SAMD7: variants seen among roughly 807,000 people sequenced by gnomAD.
The protein encoded by SAMD7 is sterile alpha motif domain-containing protein 7.
SAMD7 carries 34 observed loss-of-function variants against 36.7 expected under a neutral mutation model. The observed-to-expected ratio is 0.93, with a 90% CI of 0.71 to 1.23. The LOEUF is 1.23. SAMD7 is among the 50% of genes most tolerant of loss of function. The pLI, the probability that SAMD7 is intolerant of heterozygous loss-of-function variation, is 0.00. For missense variants in SAMD7, 570 were observed against 546.6 expected (o/e 1.04, Z -0.43); for synonymous variants, 188 against 189.7 (o/e 0.99, Z 0.07).
chr3:169,931,318 G>A (rs1713485790), intron 7 of SAMD7, among the ~76,000 whole-genome samples: 1 of 152,152 alleles, frequency 6.6e-6, no homozygotes, highest in South Asian at 2.1e-4. Flanking sequence ...TGAGCGACAG[G>A]GACATGTATG....
At chr3:169,918,307 T>C (rs1712902527) in intron 2 of SAMD7, among the ~76,000 whole-genome samples, 1 of 152,212 alleles carries the variant, frequency 6.6e-6, no homozygotes, top group Non-Finnish European at 1.5e-5. Flanking sequence ...TGCTATCAAA[T>C]ACTAGATCTT....
At chr3:169,921,634 A>G (rs1299203574) in intron 4 of SAMD7, among the ~76,000 whole-genome samples, 1 of 152,228 alleles carries the variant, frequency 6.6e-6, no homozygotes, top group East Asian at 1.9e-4. Context: ...AGGAGATTAG[A>G]TCTGAGAATT....
At chr3:169,921,094 A>G (rs777090446) in intron 3 of SAMD7, 120 bp from the exon 4 acceptor site, 144 of 892,712 alleles carry the variant, frequency 1.6e-4, no homozygotes, top group Non-Finnish European at 2.3e-4. Flanking sequence ...TTTGTATTTC[A>G]TCTTGAGAAG....
chr3:169,927,403 T>C (rs1576833921), intron 6 of SAMD7, among the ~76,000 whole-genome samples: 1 of 144,588 alleles, frequency 6.9e-6, no homozygotes, highest in Admixed American at 7.1e-5. Flanking sequence ...CACGCCATTC[T>C]CCTGCCTCAG....
At chr3:169,915,085 T>C (rs996800952) in intron 1 of SAMD7, among the ~76,000 whole-genome samples, 6 of 152,186 alleles carry the variant, frequency 3.9e-5, no homozygotes, top group Non-Finnish European at 8.8e-5. Context: ...AGCTCAAGCA[T>C]AATCCATATG....
chr3:169,932,973 G>A (rs1170310364), intron 7 of SAMD7: 1 of 705,190 alleles, frequency 1.4e-6, no homozygotes, highest in Non-Finnish European at 2.7e-6. Context: ...GATGAAAGAA[G>A]CATTCTTTCC....
intron 7 of SAMD7, among the ~76,000 whole-genome samples, chr3:169,934,075 G>A (rs1713620975): frequency 6.6e-6 from 1 of 152,168 alleles, no homozygotes; most frequent in African/African-American, 2.4e-5. Context: ...GGAGAGGTGG[G>A]GAGAGCAAGA....
rs150628946 is a variant in SAMD7, at chr3:169,922,097, C to A, written c.211+759C>A. On this transcript the variant is annotated intron_variant, in intron 4 of 8. Transcript: ENST00000335556. ...GACTGTGGAAGGAACAGAGTTCTTG[C>A]GGAGGGAGAGAATCAGAGGCTCAGC... is the stretch of plus-strand genomic sequence containing the variant. 4.7e-3 allele frequency among the ~76,000 whole-genome samples: 708 copies of A among 152,142 alleles called. 7 individuals are homozygous for A. The highest frequency in any genetic ancestry group is 0.016 in the African/African-American group (655 of 41,506).
chr3:169,937,791 G>A (rs1012216062), intron 8 of SAMD7, among the ~76,000 whole-genome samples: 2 of 152,156 alleles, frequency 1.3e-5, no homozygotes, highest in African/African-American at 4.8e-5. Flanking sequence ...GGATTGCTGG[G>A]TCAAATGGTA....
chr3:169,936,496 TA>T (rs772697147), intron 8 of SAMD7, 47 bp downstream of exon 8: 2 of 959,822 alleles, frequency 2.1e-6, no homozygotes, highest in Non-Finnish European at 3.3e-6. Context: ...GCACAAAGCT[TA>T]ATACAAATAT....
chr3:169,932,220 G>T, intron 7 of SAMD7: 1 of 831,094 alleles, frequency 1.2e-6, no homozygotes, highest in Non-Finnish European at 2.0e-6. Context: ...CCCAGTGGGT[G>T]GTTCCCCAGG....
chr3:169,921,728 A>G (rs1713052499), intron 4 of SAMD7, among the ~76,000 whole-genome samples: 2 of 152,206 alleles, frequency 1.3e-5, no homozygotes, highest in African/African-American at 2.4e-5. Flanking sequence ...GAAGCCATCA[A>G]GGGGTTTGAG....
rs1311845782 is a variant in SAMD7 at position 169,926,632 on chromosome 3, A to T, written c.370A>T (p.Ile124Leu). Reference protein sequence around the residue: ...INPKGLAGLGIPFLYGSSVPA... With the variant: ...INPKGLAGLGLPFLYGSSVPA... Reference sequence around the variant, plus strand: ...TCCCAAGGGACTAGCAGGCCTAGGGATACCCTTCCTCTATGGCTCCAGTGT... The same window carrying T: ...TCCCAAGGGACTAGCAGGCCTAGGGTTACCCTTCCTCTATGGCTCCAGTGT... The change falls in exon 6 of 9, where the codon ATA (isoleucine) becomes TTA (leucine). Residue 124 changes from isoleucine (I) to leucine (L), a missense_variant. Ile to Leu is a conservative substitution (Grantham distance 5). Transcript: ENST00000335556. 1 of 1,613,966 alleles carries T rather than the reference A, an allele frequency of 6.2e-7. No individual in the cohort carries two copies. The highest frequency in any genetic ancestry group is 1.7e-5 in the Admixed American group (1 of 59,986).
chr3:169,915,762 G>A (rs137884407), intron 2 of SAMD7, among the ~76,000 whole-genome samples: 2,585 of 151,638 alleles, frequency 0.017, 80 homozygotes, highest in African/African-American at 0.06. Context: ...ATTTTTAGTA[G>A]AGACGGGGTT....
intron 2 of SAMD7, among the ~76,000 whole-genome samples, chr3:169,918,559 C>A (rs946652924): frequency 2.6e-5 from 4 of 152,040 alleles, no homozygotes; most frequent in African/African-American, 9.7e-5. Flanking sequence ...AAATGTTATC[C>A]CTTTAACAGT....
At chr3:169,918,393 G>A (rs1185555891) in intron 2 of SAMD7, among the ~76,000 whole-genome samples, 1 of 151,990 alleles carries the variant, frequency 6.6e-6, no homozygotes, top group African/African-American at 2.4e-5. Flanking sequence ...ACCCATCCCA[G>A]GTAACCATTG....
intron 4 of SAMD7, among the ~76,000 whole-genome samples, chr3:169,922,101 G>C (rs1444777176): frequency 6.6e-6 from 1 of 152,180 alleles, no homozygotes; most frequent in African/African-American, 2.4e-5. Context: ...TTCTTGCGGA[G>C]GGAGAGAATC....
At chr3:169,914,554 T>C (rs559941099) in intron 1 of SAMD7, among the ~76,000 whole-genome samples, 1 of 152,286 alleles carries the variant, frequency 6.6e-6, no homozygotes, top group Admixed American at 6.5e-5. Flanking sequence ...AGCTTGCATT[T>C]TAGATTAAAA....
intron 2 of SAMD7, among the ~76,000 whole-genome samples, chr3:169,917,625 G>GTTTGTTTGTTTA (rs148776097): frequency 1.2e-4 from 17 of 146,028 alleles, no homozygotes; most frequent in Non-Finnish European, 2.4e-4. Context: ...TTATTTGTTT[G>GTTTGTTTGTTTA]TTTATTTATT....
Sources: allele counts gnomAD v4.1 joint callset (sites outside exome capture counted in the v4.1 genomes callset), GRCh38; gene constraint gnomAD v4.1.1; transcripts MANE v1.5; gene names NCBI Gene and HGNC (gene_info 2026-07-23, HGNC 2026-07-21).